The following SAP30BP variants were observed in gnomAD, a reference collection of about 807,000 sequenced individuals.
The protein encoded by SAP30BP is SAP30 binding protein.
In SAP30BP, 31 loss-of-function variants were observed where a neutral mutation model predicts 46.3. That is an observed-to-expected ratio of 0.67 (90% CI 0.50 to 0.90). SAP30BP has a LOEUF of 0.90. Ranked by LOEUF, SAP30BP falls within the 40% of genes least tolerant of loss-of-function variation. The pLI, the probability that SAP30BP is intolerant of heterozygous loss-of-function variation, is 0.00. For missense variants in SAP30BP, 312 were observed against 391.0 expected, an observed-to-expected ratio of 0.80 and a Z score of 1.70; for synonymous variants, 169 against 144.2, an observed-to-expected ratio of 1.17 and a Z score of -1.23.
intron 5 of SAP30BP, among the ~76,000 whole-genome samples, chr17:75,700,993 A>G (rs2060401645): frequency 6.6e-6 from 1 of 152,174 alleles, no homozygotes; most frequent in Non-Finnish European, 1.5e-5. Flanking sequence ...CAAGTTGCCA[A>G]GCCTTCTGTA....
In SAP30BP at chr17:75,694,008, C is replaced by G. The variant is rs75767151; in HGVS notation, c.307+526C>G. Among the ~76,000 whole-genome samples the G allele has an allele frequency of 7.4e-3, 1,124 of 152,226 alleles. 9 individuals are homozygous for G. Among genetic ancestry groups the G allele is most frequent in the African/African-American group, 0.026 (1,075 of 41,522 alleles). ...TACATCATCCAAGTCCTGTGCTAGC[C>G]CCAGCCTTTTAATCCTTTTAGAAAG... On this transcript the variant is annotated intron_variant, in intron 4 of 10. Coordinates refer to ENST00000584667, the MANE Select transcript of SAP30BP (RefSeq NM_013260.8).
chr17:75,704,262 C>G (rs2060460439), intron 8 of SAP30BP, among the ~76,000 whole-genome samples: 1 of 152,150 alleles, frequency 6.6e-6, no homozygotes, highest in African/African-American at 2.4e-5. Context: ...GAGAGGATGG[C>G]TTTTTCTTAA....
In SAP30BP at chr17:75,689,988, T is replaced by C. The variant is rs1303757882; in HGVS notation, c.265-3452T>C. On this transcript the variant is annotated intron_variant, in intron 3 of 10. Coordinates refer to ENST00000584667, the MANE Select transcript of SAP30BP (RefSeq NM_013260.8). ...ATTTCAATGGGAGGGAGGTGAGGAA[T>C]GAAAAATTACCTACCGGGTACAGTG... Among the ~76,000 whole-genome samples, 9 of 152,284 alleles carry C rather than the reference T, an allele frequency of 5.9e-5. 2 individuals carry two copies. Among genetic ancestry groups the C allele is most frequent in the Admixed American group, 5.9e-4 (9 of 15,296 alleles).
At chr17:75,695,257 C>T (rs1469002094) in intron 4 of SAP30BP, among the ~76,000 whole-genome samples, 7 of 152,234 alleles carry the variant, frequency 4.6e-5, no homozygotes, top group East Asian at 1.9e-4. Flanking sequence ...CTACCCACTA[C>T]GTGCCAGAGG....
chr17:75,670,214 C>T (rs982482756), intron 2 of SAP30BP, among the ~76,000 whole-genome samples: 3 of 151,820 alleles, frequency 2.0e-5, no homozygotes, highest in Non-Finnish European at 2.9e-5. Flanking sequence ...CCCACCTACT[C>T]GGGAGGCTGA....
In SAP30BP at chr17:75,706,521, A is replaced by G; in HGVS notation, c.927A>G (p.Ter309TrpextTer6). Reference protein sequence around the residue: ...VGTIVKKAKQ* With the variant: ...VGTIVKKAKQW ...CCATTGTGAAGAAGGCCAAGCAGTG[A>G]CCTGAGGGGCCACCCTAGGACTTGA... Residue 309 changes from the stop codon to tryptophan, a stop_lost, in exon 11 of 11, where the codon TGA becomes TGG. Coordinates refer to ENST00000584667, the MANE Select transcript of SAP30BP (RefSeq NM_013260.8). The surrounding 1 kb of genome is among the most constrained non-coding windows in gnomAD (Gnocchi z 4.6). The G allele has an allele frequency of 6.2e-7, 1 of 1,613,784 alleles. No homozygotes were observed. The highest frequency in any genetic ancestry group is 1.1e-5 in the South Asian group (1 of 91,068).
intron 4 of SAP30BP, among the ~76,000 whole-genome samples, chr17:75,695,057 C>T (rs1310448833): frequency 6.6e-6 from 1 of 152,194 alleles, no homozygotes; most frequent in Admixed American, 6.5e-5. Context: ...GACCGTGTTA[C>T]AGGTGATTCC....
chr17:75,670,995 C>T (rs2059899350), intron 2 of SAP30BP, among the ~76,000 whole-genome samples: 1 of 152,192 alleles, frequency 6.6e-6, no homozygotes, highest in Non-Finnish European at 1.5e-5. Flanking sequence ...AATAAGGTAG[C>T]TGGTCCAGCA....
intron 3 of SAP30BP, among the ~76,000 whole-genome samples, chr17:75,682,576 A>G (rs1436308899): frequency 2.0e-5 from 3 of 152,140 alleles, no homozygotes; most frequent in African/African-American, 4.8e-5. Flanking sequence ...CTTTGTCTCT[A>G]TCTATATATA....
chr17:75,681,377 A>G (rs2060073775), intron 3 of SAP30BP, among the ~76,000 whole-genome samples: 2 of 152,254 alleles, frequency 1.3e-5, no homozygotes, highest in African/African-American at 2.4e-5. Context: ...GTGGCTATTC[A>G]TACCCATCCT....
chr17:75,695,955 TC>T, intron 4 of SAP30BP, among the ~76,000 whole-genome samples: 1 of 152,194 alleles, frequency 6.6e-6, no homozygotes, highest in Admixed American at 6.5e-5. Context: ...TACTCCACCG[TC>T]CCCTGGGGCC....
chr17:75,667,378 G>C lies in SAP30BP; in HGVS notation c.6G>C (p.Ala2=). 6.2e-7 allele frequency: 1 copy of C among 1,614,166 alleles called. No individual in the cohort carries two copies. Among genetic ancestry groups the C allele is most frequent in the Non-Finnish European group, 8.5e-7 (1 of 1,180,008 alleles). M[A]GKKNVLSSLA... ...GCCCGGGCTGTGGGAATAAGATGGC[G>C]GGGAAGAAGAATGTTCTGTCGTCTC... Residue 2 remains alanine, a synonymous_variant, in exon 1 of 11, where the codon GCG becomes GCC. Coordinates refer to ENST00000584667, the MANE Select transcript of SAP30BP (RefSeq NM_013260.8).
intron 3 of SAP30BP, chr17:75,684,375 A>G (rs1357432758): frequency 1.3e-5 from 2 of 152,158 alleles, no homozygotes; most frequent in Non-Finnish European, 2.9e-5. Flanking sequence ...ATCCTGTTTT[A>G]TTAGTCCACC....
At chr17:75,668,938 G>A (rs534768533) in intron 2 of SAP30BP, among the ~76,000 whole-genome samples, 1 of 152,226 alleles carries the variant, frequency 6.6e-6, no homozygotes, top group African/African-American at 2.4e-5. Context: ...ATTTATAGCA[G>A]GCATTCATCC....
intron 9 of SAP30BP, 32 bp from the exon 10 acceptor site, chr17:75,705,976 C>G: frequency 1.2e-6 from 2 of 1,610,158 alleles, no homozygotes; most frequent in Non-Finnish European, 1.7e-6. Context: ...CCAGCTTTGC[C>G]TGGTCTTATT....
At chr17:75,677,606 A>AT (rs36026460) in intron 3 of SAP30BP, among the ~76,000 whole-genome samples, 7,459 of 109,658 alleles carry the variant, frequency 0.068, 276 homozygotes, top group African/African-American at 0.099. Flanking sequence ...TAATTTTTGT[A>AT]TTTTTTTTTT....
intron 4 of SAP30BP, among the ~76,000 whole-genome samples, chr17:75,697,379 C>G (rs967071910): frequency 6.6e-6 from 1 of 152,208 alleles, no homozygotes; most frequent in Non-Finnish European, 1.5e-5. Context: ...TTGGCACTTT[C>G]ACCTATTCCA....
At chr17:75,677,872 A>C (rs1342464865) in intron 3 of SAP30BP, among the ~76,000 whole-genome samples, 5 of 151,890 alleles carry the variant, frequency 3.3e-5, no homozygotes, top group Non-Finnish European at 7.4e-5. Flanking sequence ...ACACGATGAA[A>C]AAGACAATGA....
At chr17:75,703,635 G>A (rs1454801059) in intron 7 of SAP30BP, 173 bp from the exon 8 acceptor site, 5 of 672,014 alleles carry the variant, frequency 7.4e-6, no homozygotes, top group South Asian at 3.5e-5. Flanking sequence ...TGGGGGCTTC[G>A]TGCTCCCATG....
Sources: allele counts gnomAD v4.1 joint callset (sites outside exome capture counted in the v4.1 genomes callset), GRCh38; gene constraint gnomAD v4.1.1; non-coding constraint Gnocchi (gnomAD v3.1); transcripts MANE v1.5; gene names NCBI Gene and HGNC (gene_info 2026-07-23, HGNC 2026-07-21).